The following GFOD2 variants were observed in gnomAD, a reference collection of about 807,000 sequenced individuals.
GFOD2 encodes Gfo/Idh/MocA-like oxidoreductase domain containing 2.
In GFOD2, 9 loss-of-function variants were observed where a neutral mutation model predicts 24.6. That is an observed-to-expected ratio of 0.37 (90% CI 0.22 to 0.64). The LOEUF is 0.64. Among genes scored for constraint, GFOD2 ranks in the 30% least tolerant of loss-of-function variants. GFOD2 has a pLI of 0.65. For synonymous variants in GFOD2, 211 were observed against 224.8 expected (o/e 0.94, Z 0.55); for missense variants, 476 against 532.5 (o/e 0.89, Z 1.04).
At chr16:67,679,706 A>C (rs1451630774) in intron 2 of GFOD2, among the ~76,000 whole-genome samples, 4 of 151,560 alleles carry the variant, frequency 2.6e-5, no homozygotes, top group Non-Finnish European at 1.5e-5. Context: ...GACCAACATG[A>C]TGAAACCCTA....
At position 67,674,993 on chromosome 16, in the gene GFOD2, GATGAGCCACTGGAGGGGGCGAA is replaced by G; in HGVS notation, c.*140_*161del. 1.3e-6 allele frequency: 1 copy of G among 754,948 alleles called. No individual in the cohort carries two copies. The highest frequency in any genetic ancestry group is 2.2e-6 in the Non-Finnish European group (1 of 464,238). 46.8% of individuals were successfully genotyped at this position (754,948 alleles called of 1,614,324 possible). A position where few individuals can be genotyped will look rare whatever the true frequency, so the allele number is the denominator to read the frequency against. On this transcript the variant is annotated 3_prime_UTR_variant, in exon 3 of 3. Transcript: ENST00000268797. ...TGCCACCCTGCAAGTCTGAGGAGCA[GATGAGCCACTGGAGGGGGCGAA>G]GTCCCAGAGCCACCTCTGGCTTCAC... is the stretch of plus-strand genomic sequence containing the variant.
intron 1 of GFOD2, among the ~76,000 whole-genome samples, chr16:67,709,036 C>T (rs867003751): frequency 6.6e-6 from 1 of 152,144 alleles, no homozygotes; most frequent in African/African-American, 2.4e-5. Context: ...AGAGCAGTGG[C>T]TCACACCTGT....
At chr16:67,710,423 G>GGTGC (rs1234241288) in intron 1 of GFOD2, among the ~76,000 whole-genome samples, 6 of 152,144 alleles carry the variant, frequency 3.9e-5, no homozygotes, top group African/African-American at 1.4e-4. Context: ...GAAGTGCAGT[G>GGTGC]GTGCGATCTC....
At chr16:67,680,820 T>C (rs1371494721) in intron 2 of GFOD2, 1 of 978,916 alleles carries the variant, frequency 1.0e-6, no homozygotes, top group Admixed American at 6.2e-5. Context: ...ACGTGCAGGT[T>C]TGTTACATAT....
chr16:67,686,976 G>A (rs945940627), intron 1 of GFOD2, among the ~76,000 whole-genome samples: 7 of 150,272 alleles, frequency 4.7e-5, no homozygotes, highest in African/African-American at 9.8e-5. Context: ...GTGAAACCCC[G>A]TCTCTACCAA....
At chr16:67,713,648 A>G (rs2053490507) in intron 1 of GFOD2, among the ~76,000 whole-genome samples, 1 of 152,196 alleles carries the variant, frequency 6.6e-6, no homozygotes, top group African/African-American at 2.4e-5. Flanking sequence ...AATATTACAA[A>G]GGATAGAGAT....
At chr16:67,681,043 G>C (rs1036956040) in intron 2 of GFOD2, 3 of 985,310 alleles carry the variant, frequency 3.0e-6, no homozygotes, top group African/African-American at 1.7e-5. Context: ...GCTTCTGGAG[G>C]GTCTCCAGTG....
chr16:67,714,405 G>A (rs1460828326), intron 1 of GFOD2, among the ~76,000 whole-genome samples: 1 of 147,488 alleles, frequency 6.8e-6, no homozygotes, highest in South Asian at 2.1e-4. Flanking sequence ...CTTGAACCCA[G>A]AAGTGGACAT....
At chr16:67,711,967 T>C (rs961714602) in intron 1 of GFOD2, among the ~76,000 whole-genome samples, 1 of 152,150 alleles carries the variant, frequency 6.6e-6, no homozygotes, top group Non-Finnish European at 1.5e-5. Flanking sequence ...ATTCTTCCAT[T>C]GTTTGTCTCT....
Position 67,697,010 on chromosome 16 carries a change from T to C in GFOD2, c.-87-11208A>G, listed in dbSNP as rs536739480. Among the ~76,000 whole-genome samples the C allele has an allele frequency of 2.6e-5, 4 of 152,182 alleles. No individual in the cohort carries two copies. In the East Asian group the frequency reaches 7.7e-4, roughly 29 times the overall value. On this transcript the variant is annotated intron_variant, in intron 1 of 2. Transcript: ENST00000268797. ...TTTGTCTTTAACATCCTTGCACATA[T>C]CCTTCAGATGCCTCCAAAGATCTCC...
chr16:67,676,367 T>G (rs1329564256), intron 2 of GFOD2: 1 of 316,094 alleles, frequency 3.2e-6, no homozygotes, highest in East Asian at 7.5e-5. Flanking sequence ...TCCTCCTGCC[T>G]TGGCCTCCCA....
At position 67,698,614 on chromosome 16, in the gene GFOD2, G is replaced by A. The variant is rs540476684; in HGVS notation, c.-87-12812C>T. Among the ~76,000 whole-genome samples the A allele has an allele frequency of 3.3e-5, 5 of 152,278 alleles. No individual in the cohort carries two copies. The East Asian group carries it at 9.6e-4, about 29-fold the overall frequency. On this transcript the variant is annotated intron_variant, in intron 1 of 2. Coordinates refer to ENST00000268797, the MANE Select transcript of GFOD2 (RefSeq NM_030819.4). Reference sequence around the variant, plus strand: ...CTGCCTCAGCTTCCCGAGCAGCTGGGATTACAGGTGTGCGCCACCATGCCC... The same window carrying A: ...CTGCCTCAGCTTCCCGAGCAGCTGGAATTACAGGTGTGCGCCACCATGCCC...
At chr16:67,700,572 C>T (rs913289738) in intron 1 of GFOD2, among the ~76,000 whole-genome samples, 3 of 150,182 alleles carry the variant, frequency 2.0e-5, no homozygotes, top group Non-Finnish European at 4.4e-5. Flanking sequence ...ATTAGCCAGG[C>T]ATGGTGGCGG....
At chr16:67,696,014 CTT>C (rs768998994) in intron 1 of GFOD2, among the ~76,000 whole-genome samples, 8 of 142,578 alleles carry the variant, frequency 5.6e-5, no homozygotes, top group Admixed American at 7.0e-5. Flanking sequence ...ATAGGGAACC[CTT>C]TTTTTTTTTT....
intron 1 of GFOD2, among the ~76,000 whole-genome samples, chr16:67,700,420 A>G (rs1005285035): frequency 6.6e-6 from 1 of 152,016 alleles, no homozygotes; most frequent in African/African-American, 2.4e-5. Flanking sequence ...ATCAATTACT[A>G]TAACTTACCG....
Position 67,675,254 on chromosome 16 carries a change from C to T in GFOD2, c.1059G>A (p.Arg353=). The change falls in exon 3 of 3, where the codon AGG becomes AGA. Residue 353 remains arginine (R), a synonymous_variant. Coordinates refer to ENST00000268797, the MANE Select transcript of GFOD2 (RefSeq NM_030819.4). ...YMQSVVDAIK[R]SSRSGEWEAV... is the part of the protein sequence containing the mutation. Reference sequence around the variant, plus strand: ...CCTCCCACTCCCCGGATCGGCTCGACCTCTTGATGGCATCCACCACGCTCT... The same window carrying T: ...CCTCCCACTCCCCGGATCGGCTCGATCTCTTGATGGCATCCACCACGCTCT... 1.9e-6 allele frequency: 3 copies of T among 1,613,260 alleles called. No homozygotes were observed. The highest frequency in any genetic ancestry group is 2.7e-5 in the African/African-American group (2 of 75,064).
rs780092089 is a variant in GFOD2 at position 67,675,983 on chromosome 16, C to T, written c.330G>A (p.Ser110=). The T allele has an allele frequency of 3.5e-5, 57 of 1,614,160 alleles. No homozygotes were observed. The highest frequency in any genetic ancestry group is 3.3e-4 in the Middle Eastern group (2 of 6,062). The change falls in exon 3 of 3, where the codon TCG becomes TCA. Residue 110 remains serine, a synonymous_variant. Transcript: ENST00000268797. The part of the protein sequence containing the change: ...SVDAFRMVTA[S]RYYPQLMSLV... ...GGCTCATGAGCTGCGGGTAGTAGCG[C>T]GAGGCTGTCACCATCCGGAAGGCAT... is the stretch of plus-strand genomic sequence containing the variant.
rs2142991808 is a variant in GFOD2, at chr16:67,675,276, C to T, written c.1037G>A (p.Ser346Asn). 1 of 1,612,996 alleles carries T rather than the reference C, an allele frequency of 6.2e-7. No homozygotes were observed. The highest frequency in any genetic ancestry group is 2.2e-5 in the East Asian group (1 of 44,886). The stretch of plus-strand genomic sequence containing the variant: ...CGACCTCTTGATGGCATCCACCACG[C>T]TCTGCATGTACAGCCCATCCTCGAA... ...ASFEDGLYMQSVVDAIKRSSR... is the reference protein window; with the variant it reads ...ASFEDGLYMQNVVDAIKRSSR... Residue 346 changes from serine (S) to asparagine (N), a missense_variant, in exon 3 of 3, where the codon AGC (serine) becomes AAC (asparagine). Transcript: ENST00000268797.
intron 2 of GFOD2, 21 bp from the exon 3 acceptor site, chr16:67,676,074 GA>G: frequency 6.4e-7 from 1 of 1,564,326 alleles, no homozygotes; most frequent in Non-Finnish European, 8.7e-7. Flanking sequence ...GACACAACAG[GA>G]AATCTCAAAG....
Sources: gnomAD v4.1 joint callset for allele counts (sites outside exome capture counted in the v4.1 genomes callset) on GRCh38, gnomAD v4.1.1 for gene constraint, MANE v1.5 for transcripts, NCBI Gene and HGNC (gene_info 2026-07-23, HGNC 2026-07-21) for gene names.